The following FGFR1 variants were observed in gnomAD, a reference collection of about 807,000 sequenced individuals.
The protein encoded by FGFR1 is fibroblast growth factor receptor 1, also known as FGFR1/PLAG1 fusion.
FGFR1 carries 18 observed loss-of-function variants against 93.7 expected under a neutral mutation model. The observed-to-expected ratio is 0.19, with a 90% CI of 0.13 to 0.28. The LOEUF is 0.28. Ranked by LOEUF, FGFR1 falls within the 10% of genes least tolerant of loss-of-function variation. The pLI is 1.00. For synonymous variants in FGFR1, 448 were observed against 429.3 expected, an observed-to-expected ratio of 1.04 and a Z score of -0.54; for missense variants, 731 against 1,080.4, an observed-to-expected ratio of 0.68 and a Z score of 4.53.
intron 4 of FGFR1, 44 bp from the exon 5 acceptor site, chr8:38,428,137 C>T (rs761790794): frequency 2.6e-5 from 42 of 1,612,100 alleles, no homozygotes; most frequent in Non-Finnish European, 1.4e-5. Context: ...TGGAGAGGAG[C>T]AGCTGGTCAG....
At chr8:38,452,542 T>G (rs936509434) in intron 2 of FGFR1, among the ~76,000 whole-genome samples, 2 of 152,108 alleles carry the variant, frequency 1.3e-5, no homozygotes, top group Non-Finnish European at 2.9e-5. Flanking sequence ...TTTTTAAAAT[T>G]TTTAGAGATG....
At chr8:38,466,602 T>C (rs946898863) in intron 1 of FGFR1, 6 of 229,474 alleles carry the variant, frequency 2.6e-5, no homozygotes, top group African/African-American at 1.1e-4. Context: ...GAACTTTCTT[T>C]TCTCCCCCGA....
intron 2 of FGFR1, among the ~76,000 whole-genome samples, chr8:38,436,532 G>A (rs988270472): frequency 1.3e-5 from 2 of 152,148 alleles, no homozygotes; most frequent in African/African-American, 4.8e-5. Context: ...TTACCACGCA[G>A]GTTCCTGGGT....
rs1262773345 is a variant in FGFR1, at chr8:38,414,480, T to G, written c.2048+79A>C. The stretch of plus-strand genomic sequence containing the variant: ...CTGGGGCAGAAAGAGGACTCCTCAG[T>G]CCAGGGAGAAAGCAGGACTCTACAG... On this transcript the variant is annotated intron_variant, in intron 15 of 17. Coordinates refer to ENST00000447712, the MANE Select transcript of FGFR1 (RefSeq NM_023110.3). 3 of 1,569,554 alleles carry G rather than the reference T, an allele frequency of 1.9e-6. No homozygotes were observed. The African/African-American group carries it at 4.1e-5, about 21-fold the overall frequency.
Position 38,428,448 on chromosome 8 carries a change from G to T in FGFR1, c.359-13C>A, listed in dbSNP as rs376369060. On this transcript the variant is annotated splice_polypyrimidine_tract_variant and intron_variant, in intron 3 of 17. Transcript: ENST00000447712. Reference sequence around the variant, plus strand: ...GAGGGGAGAGCATCTATGGGAAGAAGAAGGGGCACTGAGGTTCCTCCTAGG... The same window carrying T: ...GAGGGGAGAGCATCTATGGGAAGAATAAGGGGCACTGAGGTTCCTCCTAGG... 6.2e-7 allele frequency: 1 copy of T among 1,605,020 alleles called. No individual in the cohort carries two copies.
intron 13 of FGFR1, among the ~76,000 whole-genome samples, chr8:38,415,502 A>G (rs1481884271): frequency 6.7e-6 from 1 of 150,238 alleles, no homozygotes; most frequent in Non-Finnish European, 1.5e-5. Flanking sequence ...GGGTTTCAAT[A>G]TATTGCCCAA....
At chr8:38,448,247 A>G (rs1373859793) in intron 2 of FGFR1, among the ~76,000 whole-genome samples, 2 of 152,124 alleles carry the variant, frequency 1.3e-5, no homozygotes, top group Admixed American at 6.6e-5. Context: ...GAATTTTGAA[A>G]GATGAACCCA....
chr8:38,414,955 C>T, intron 13 of FGFR1, 54 bp from the exon 14 acceptor site: 1 of 1,526,770 alleles, frequency 6.5e-7, no homozygotes, highest in South Asian at 1.1e-5. Context: ...AGCTGGAAGG[C>T]TCTGGGCGGC....
intron 2 of FGFR1, among the ~76,000 whole-genome samples, chr8:38,441,326 C>G (rs948212928): frequency 6.6e-6 from 1 of 152,146 alleles, no homozygotes; most frequent in Non-Finnish European, 1.5e-5. Flanking sequence ...CCAATCAGCA[C>G]CAGTGTCCCC....
Position 38,413,385 on chromosome 8 carries a change from G to A in FGFR1, c.*243C>T. The A allele has an allele frequency of 1.8e-6, 1 of 561,410 alleles. No individual in the cohort carries two copies. Among genetic ancestry groups the A allele is most frequent in the Non-Finnish European group, 3.2e-6 (1 of 317,082 alleles). The allele number at this position is 561,410 out of a possible 1,614,324, so 34.8% of individuals were successfully genotyped here. A position where few individuals can be genotyped will look rare whatever the true frequency, so the allele number is the denominator to read the frequency against. On this transcript the variant is annotated 3_prime_UTR_variant, in exon 18 of 18. Transcript: ENST00000447712. The surrounding 1 kb of genome is among the most constrained non-coding windows in gnomAD (Gnocchi z 4.2). ...AGGGGTGTTGGTCCAACATCTGGGA[G>A]GGGATGAAGTGGCTGGCAGCAAAGA...
rs1586179727 is a variant in FGFR1 at position 38,418,344 on chromosome 8, G to A, written c.1314C>T (p.Asn438=). ...TVSADSSASM[N]SGVLLVRPSR... ...ATGGCCGAACCAGAAGAACCCCAGA[G>A]TTCATGGATGCACTGGAGTCAGCAG... is the stretch of plus-strand genomic sequence containing the variant. Residue 438 remains asparagine, a synonymous_variant, in exon 10 of 18, where the codon AAC becomes AAT. Coordinates refer to ENST00000447712, the MANE Select transcript of FGFR1 (RefSeq NM_023110.3). 7 of 1,614,138 alleles carry A rather than the reference G, an allele frequency of 4.3e-6. No homozygotes were observed. The highest frequency in any genetic ancestry group is 5.9e-6 in the Non-Finnish European group (7 of 1,180,010).
intron 2 of FGFR1, among the ~76,000 whole-genome samples, chr8:38,438,363 G>A (rs2151079751): frequency 6.6e-6 from 1 of 152,164 alleles, no homozygotes; most frequent in Non-Finnish European, 1.5e-5. Context: ...CCAACATGGT[G>A]AAACCCTATT....
chr8:38,465,460 A>T (rs1376376406), intron 1 of FGFR1: 1 of 231,442 alleles, frequency 4.3e-6, no homozygotes, highest in Non-Finnish European at 8.5e-6. Flanking sequence ...GCAGCTCGTC[A>T]CTGATGCAGT....
intron 2 of FGFR1, among the ~76,000 whole-genome samples, chr8:38,450,843 C>G (rs1329277486): frequency 6.6e-6 from 1 of 152,200 alleles, no homozygotes; most frequent in Non-Finnish European, 1.5e-5. Context: ...AATGCAGAAG[C>G]CGGAGCCAAG....
chr8:38,460,602 T>C (rs1834158003), intron 1 of FGFR1, among the ~76,000 whole-genome samples: 1 of 152,186 alleles, frequency 6.6e-6, no homozygotes, highest in South Asian at 2.1e-4. Flanking sequence ...GCTTCCCTCT[T>C]GTTCTTTCCC....
intron 1 of FGFR1, chr8:38,461,172 T>A (rs2151427980): frequency 6.5e-7 from 1 of 1,530,282 alleles, no homozygotes; most frequent in Non-Finnish European, 8.8e-7. Flanking sequence ...CTCACTGGAG[T>A]ACTGATCCAA....
intron 6 of FGFR1, among the ~76,000 whole-genome samples, chr8:38,425,145 CTT>C (rs34812083): frequency 1.3e-4 from 19 of 146,842 alleles, no homozygotes; most frequent in Non-Finnish European, 1.7e-4. Flanking sequence ...TCCTTTTTAC[CTT>C]TTTTTTTTTT....
Position 38,412,611 on chromosome 8 carries a change from T to C in FGFR1, c.*1017A>G. On this transcript the variant is annotated 3_prime_UTR_variant, in exon 18 of 18. Coordinates refer to ENST00000447712, the MANE Select transcript of FGFR1 (RefSeq NM_023110.3). ...GGTGCAGGACCTAGGAAGAAGAGGT[T>C]ACAAGGAACCTGCGCCGGGAGCATG... The C allele has an allele frequency of 4.3e-6, 1 of 233,622 alleles. No homozygotes were observed. The allele number at this position is 233,622 out of a possible 1,614,324, so 14.5% of individuals were successfully genotyped here.
chr8:38,456,846 C>T lies in FGFR1; in HGVS notation c.91+510G>A, dbSNP rs536247449. ...TTAGCCTCCCAGAGTGCTGAGGTTA[C>T]ATGTGTGACCCACTATGCCTGGCGA... On this transcript the variant is annotated intron_variant, in intron 2 of 17. Transcript: ENST00000447712. 3.9e-5 allele frequency among the ~76,000 whole-genome samples: 6 copies of T among 152,244 alleles called. No homozygotes were observed. In the East Asian group the frequency reaches 1.2e-3, roughly 29 times the overall value.
Sources: allele counts gnomAD v4.1 joint callset (sites outside exome capture counted in the v4.1 genomes callset), GRCh38; gene constraint gnomAD v4.1.1; non-coding constraint Gnocchi (gnomAD v3.1); transcripts MANE v1.5; gene names NCBI Gene and HGNC (gene_info 2026-07-23, HGNC 2026-07-21).